DSCAM: variants seen among roughly 807,000 people sequenced by gnomAD.
DSCAM encodes the protein cell adhesion molecule DSCAM.
DSCAM carries 47 observed loss-of-function variants against 217.7 expected under a neutral mutation model. That is an observed-to-expected ratio of 0.22 (90% CI 0.17 to 0.28). The LOEUF is 0.28. Among genes scored for constraint, DSCAM ranks in the 10% least tolerant of loss-of-function variants. The pLI is 1.00. For synonymous variants in DSCAM, 1,056 were observed against 1,015.3 expected (o/e 1.04, Z -0.76); for missense variants, 2,080 against 2,618.3 (o/e 0.79, Z 4.49).
At chr21:40,432,812 G>A (rs912707229) in intron 3 of DSCAM, among the ~76,000 whole-genome samples, 1 of 152,126 alleles carries the variant, frequency 6.6e-6, no homozygotes. Context: ...TCATACAGGT[G>A]AGGAAACTGA....
intron 3 of DSCAM, among the ~76,000 whole-genome samples, chr21:40,579,295 C>T (rs1366098689): frequency 6.6e-6 from 1 of 150,992 alleles, no homozygotes; most frequent in East Asian, 1.9e-4. Flanking sequence ...CTCAATAAAA[C>T]TTCAGAGTAG....
intron 8 of DSCAM, among the ~76,000 whole-genome samples, chr21:40,326,722 C>T (rs941778009): frequency 2.0e-5 from 3 of 152,054 alleles, no homozygotes; most frequent in African/African-American, 7.2e-5. Context: ...CTTAGTGAAC[C>T]ACTGCACAGA....
chr21:40,592,446 C>T (rs1379640290), intron 3 of DSCAM, among the ~76,000 whole-genome samples: 1 of 152,086 alleles, frequency 6.6e-6, no homozygotes, highest in Non-Finnish European at 1.5e-5. Flanking sequence ...CTTCCTGCTC[C>T]AATTGAAATA....
chr21:40,294,172 A>G (rs1011405433), intron 10 of DSCAM, among the ~76,000 whole-genome samples: 1 of 152,230 alleles, frequency 6.6e-6, no homozygotes, highest in Non-Finnish European at 1.5e-5. Context: ...GTTAGTGGTA[A>G]GAAGGGATAA....
At chr21:40,634,886 C>T (rs2089736351) in intron 3 of DSCAM, among the ~76,000 whole-genome samples, 1 of 152,190 alleles carries the variant, frequency 6.6e-6, no homozygotes, top group Non-Finnish European at 1.5e-5. Context: ...ATCACCCTTC[C>T]TTGAGTTATT....
intron 3 of DSCAM, among the ~76,000 whole-genome samples, chr21:40,421,322 TAC>T (rs2075421876): frequency 6.6e-6 from 1 of 152,194 alleles, no homozygotes; most frequent in Non-Finnish European, 1.5e-5. Context: ...AAACTAAGCA[TAC>T]AGTACCTGTC....
chr21:40,376,468 A>C (rs202113409), intron 3 of DSCAM, among the ~76,000 whole-genome samples: 3,578 of 112,386 alleles, frequency 0.032, 263 homozygotes, highest in African/African-American at 0.087. Flanking sequence ...TATCTTATAT[A>C]GATATCTATA....
intron 3 of DSCAM, among the ~76,000 whole-genome samples, chr21:40,689,566 A>C (rs545594448): frequency 9.8e-5 from 15 of 152,344 alleles, no homozygotes; most frequent in African/African-American, 3.4e-4. Context: ...AGATACTTAC[A>C]CAGGCTTATT....
intron 19 of DSCAM, among the ~76,000 whole-genome samples, chr21:40,127,836 C>G (rs1245350630): frequency 1.3e-5 from 2 of 152,134 alleles, no homozygotes; most frequent in African/African-American, 2.4e-5. Flanking sequence ...GGGCTCTCCC[C>G]CTGATCTGAT....
At chr21:40,696,246 CA>C (rs2146456890) in intron 2 of DSCAM, among the ~76,000 whole-genome samples, 1 of 152,282 alleles carries the variant, frequency 6.6e-6, no homozygotes, top group Non-Finnish European at 1.5e-5. Context: ...CCAGCTCGCT[CA>C]GAGAGAACGG....
chr21:40,160,296 C>T (rs1245662168), intron 16 of DSCAM, among the ~76,000 whole-genome samples: 1 of 151,432 alleles, frequency 6.6e-6, no homozygotes, highest in Non-Finnish European at 1.5e-5. Context: ...AGATGGGTGT[C>T]GTATCTAATT....
chr21:40,755,409 G>A (rs935696807), intron 1 of DSCAM, among the ~76,000 whole-genome samples: 3 of 152,130 alleles, frequency 2.0e-5, no homozygotes, highest in African/African-American at 7.2e-5. Context: ...TCATGTCATT[G>A]CATTTCAGCC....
intron 27 of DSCAM, among the ~76,000 whole-genome samples, chr21:40,068,339 G>C (rs950444267): frequency 6.6e-6 from 1 of 152,124 alleles, no homozygotes; most frequent in Admixed American, 6.5e-5. Flanking sequence ...TGTAGCTGAG[G>C]ACAGAATACT....
chr21:40,754,790 G>A (rs1411207185), intron 1 of DSCAM, among the ~76,000 whole-genome samples: 1 of 152,202 alleles, frequency 6.6e-6, no homozygotes, highest in Non-Finnish European at 1.5e-5. Context: ...TAATTGTCCT[G>A]TGTCTCCTTC....
chr21:40,402,498 G>A (rs981537), intron 3 of DSCAM, among the ~76,000 whole-genome samples: 54,670 of 151,956 alleles, frequency 0.36, 12,191 homozygotes, highest in Non-Finnish European at 0.48. Flanking sequence ...GATCTTAAAT[G>A]TGAAATTATT....
rs951295794 is a variant in DSCAM, at chr21:40,641,410, T to C, written c.508+51400A>G. 2.6e-5 allele frequency among the ~76,000 whole-genome samples: 4 copies of C among 152,206 alleles called. No homozygotes were observed. The East Asian group carries it at 7.7e-4, about 29-fold the overall frequency. On this transcript the variant is annotated intron_variant, in intron 3 of 32. Transcript: ENST00000400454. ...ATTAAGTATTCAGGATGCTTTCTCT[T>C]TCTCTAGAAGCTCAAAAGAAGCCTT...
chr21:40,298,362 T>G (rs7277178), intron 9 of DSCAM, among the ~76,000 whole-genome samples: 26,077 of 152,006 alleles, frequency 0.17, 4,019 homozygotes, highest in African/African-American at 0.4. Flanking sequence ...ATTACAGGCG[T>G]GAGCCACTGC....
intron 1 of DSCAM, among the ~76,000 whole-genome samples, chr21:40,764,015 C>A (rs1308137288): frequency 6.6e-6 from 1 of 152,172 alleles, no homozygotes; most frequent in Admixed American, 6.5e-5. Flanking sequence ...TAGGCAATAT[C>A]ATTCAGGACA....
chr21:40,419,884 A>G (rs2075406497), intron 3 of DSCAM, among the ~76,000 whole-genome samples: 2 of 152,232 alleles, frequency 1.3e-5, no homozygotes, highest in East Asian at 1.9e-4. Flanking sequence ...TACCCAAGAA[A>G]CCCATAGATA....
Sources: allele counts gnomAD v4.1 joint callset (sites outside exome capture counted in the v4.1 genomes callset), GRCh38; gene constraint gnomAD v4.1.1; transcripts MANE v1.5; gene names NCBI Gene and HGNC (gene_info 2026-07-23, HGNC 2026-07-21).